CSNK2B: variants seen among roughly 807,000 people sequenced by gnomAD.
The protein encoded by CSNK2B is casein kinase II subunit beta.
CSNK2B carries 2 observed loss-of-function variants against 28.8 expected under a neutral mutation model. The observed-to-expected ratio is 0.07, with a 90% CI of 0.03 to 0.22. The LOEUF (loss-of-function observed/expected upper bound fraction) is 0.22. Ranked by LOEUF, CSNK2B falls within the 10% of genes least tolerant of loss-of-function variation. The probability of loss-of-function intolerance (pLI) is 1.00; values close to 1 mark genes in which losing one functional copy is unlikely to be tolerated. For missense variants in CSNK2B, 107 were observed against 277.9 expected (o/e 0.39, Z 4.37); for synonymous variants, 89 against 96.1 (o/e 0.93, Z 0.43).
chr6:31,670,029 T>C lies in CSNK2B; in HGVS notation c.*103T>C. ...TTAGTTTAAATTAAAGGAGTCGTTA[T>C]CGTGGTGGGAATATGAAATAAAGTA... is the stretch of plus-strand genomic sequence containing the variant. On this transcript the variant is annotated 3_prime_UTR_variant, in exon 7 of 7. Transcript: ENST00000375882. 6.4e-6 allele frequency: 6 copies of C among 934,348 alleles called. No homozygotes were observed. The highest frequency in any genetic ancestry group is 9.4e-6 in the Non-Finnish European group (6 of 638,708). 57.9% of individuals were successfully genotyped at this position (934,348 alleles called of 1,614,324 possible). A position where few individuals can be genotyped will look rare whatever the true frequency, so the allele number is the denominator to read the frequency against.
intron 1 of CSNK2B, chr6:31,666,487 G>T: frequency 2.5e-6 from 1 of 393,316 alleles, no homozygotes; most frequent in Non-Finnish European, 4.6e-6. Flanking sequence ...GACTTGTATT[G>T]GTAGGGAGCC....
Position 31,669,704 on chromosome 6 carries a change from G to T in CSNK2B, c.558-132G>T, listed in dbSNP as rs539649980. Reference sequence around the variant, plus strand: ...TTGTAGAATGTTCTTGAGCTGAGAAGTTGGGAACCACGAGGCTTTAGCTCT... The same window carrying T: ...TTGTAGAATGTTCTTGAGCTGAGAATTTGGGAACCACGAGGCTTTAGCTCT... On this transcript the variant is annotated intron_variant, in intron 6 of 6. Coordinates refer to ENST00000375882, the MANE Select transcript of CSNK2B (RefSeq NM_001320.7). The surrounding 1 kb of genome is among the most constrained non-coding windows in gnomAD (Gnocchi z 4.8). The T allele has an allele frequency of 4.9e-6, 5 of 1,027,282 alleles. No homozygotes were observed. Among genetic ancestry groups the T allele is most frequent in the Non-Finnish European group, 7.1e-6 (5 of 708,504 alleles). The allele number at this position is 1,027,282 out of a possible 1,614,324, so 63.6% of individuals were successfully genotyped here. A position where few individuals can be genotyped will look rare whatever the true frequency, so the allele number is the denominator to read the frequency against.
At chr6:31,668,914 GT>G in intron 4 of CSNK2B, 182 bp from the exon 5 acceptor site, 2 of 617,066 alleles carry the variant, frequency 3.2e-6, no homozygotes, top group South Asian at 3.9e-5. Context: ...GGCTCTGATG[GT>G]TTGTAGCCTG....
chr6:31,667,140 TC>T, intron 2 of CSNK2B: 2 of 682,088 alleles, frequency 2.9e-6, no homozygotes, highest in Admixed American at 4.1e-5. Flanking sequence ...TGTGTCTTTT[TC>T]TTTTTTTTGA....
At position 31,666,206 on chromosome 6, in the gene CSNK2B, C is replaced by A. The variant is rs1447772295; in HGVS notation, c.-14C>A. ...CACCCCAGTCCTGGTCCCCGTCCAGCCGGTGAGTCTGAAGTCGTCGCTGCT... is the reference window on the plus strand; with the variant it reads ...CACCCCAGTCCTGGTCCCCGTCCAGACGGTGAGTCTGAAGTCGTCGCTGCT... On this transcript the variant is annotated splice_region_variant and 5_prime_UTR_variant, in exon 1 of 7. Transcript: ENST00000375882. 2.0e-6 allele frequency: 2 copies of A among 991,734 alleles called. No homozygotes were observed. The highest frequency in any genetic ancestry group is 2.4e-6 in the Non-Finnish European group (2 of 832,876). The allele number at this position is 991,734 out of a possible 1,614,324, so 61.4% of individuals were successfully genotyped here.
chr6:31,666,958 G>T, intron 2 of CSNK2B, 55 bp downstream of exon 2: 1 of 1,374,934 alleles, frequency 7.3e-7, no homozygotes. Context: ...CCCACCAGAC[G>T]TTCCTTCACA....
chr6:31,669,251 T>C lies in CSNK2B; in HGVS notation c.368-68T>C. On this transcript the variant is annotated intron_variant, in intron 5 of 6. Transcript: ENST00000375882. The surrounding 1 kb of genome is among the most constrained non-coding windows in gnomAD (Gnocchi z 4.8). ...AGTTGGGGCTCAACACATTGGAGCC[T>C]GAGTCCTGAGGGGAGGTTAGGTAGG... The C allele has an allele frequency of 6.2e-7, 1 of 1,600,454 alleles. No homozygotes were observed. The highest frequency in any genetic ancestry group is 1.1e-5 in the South Asian group (1 of 90,720).
At position 31,669,550 on chromosome 6, in the gene CSNK2B, C is replaced by T; in HGVS notation, c.557+42C>T. 10 of 1,578,942 alleles carry T rather than the reference C, an allele frequency of 6.3e-6. No individual in the cohort carries two copies. The highest frequency in any genetic ancestry group is 7.7e-6 in the Non-Finnish European group (9 of 1,166,428). On this transcript the variant is annotated intron_variant, in intron 6 of 6. Transcript: ENST00000375882. The surrounding 1 kb of genome is among the most constrained non-coding windows in gnomAD (Gnocchi z 4.8). ...GTCATTAAGGGTCAAAGGAAAGGCC[C>T]AAGATCCCCCAGAGAGGGGAGGACA... is the stretch of plus-strand genomic sequence containing the variant.
chr6:31,667,002 T>G (rs1801781830), intron 2 of CSNK2B, 99 bp downstream of exon 2: 2 of 1,038,538 alleles, frequency 1.9e-6, no homozygotes, highest in Admixed American at 3.7e-5. Context: ...TTACATGCTA[T>G]TTGAAAACTT....
chr6:31,668,375 G>A (rs1177386567), intron 3 of CSNK2B, 164 bp from the exon 4 acceptor site: 1 of 625,080 alleles, frequency 1.6e-6, no homozygotes, highest in African/African-American at 1.8e-5. Flanking sequence ...TTTGATGCAA[G>A]GGTCAGAAGC....
At chr6:31,667,143 T>G (rs1438842160) in intron 2 of CSNK2B, 1 of 676,156 alleles carries the variant, frequency 1.5e-6, no homozygotes, top group Non-Finnish European at 2.7e-6. Context: ...GTCTTTTTCT[T>G]TTTTTTGAGA....
At chr6:31,667,366 A>G (rs1401555613) in intron 2 of CSNK2B, 2 of 359,534 alleles carry the variant, frequency 5.6e-6, no homozygotes, top group Non-Finnish European at 1.1e-5. Context: ...TCCAGACCTC[A>G]GGTGATCTGC....
At chr6:31,668,346 G>C (rs1194255504) in intron 3 of CSNK2B, 193 bp from the exon 4 acceptor site, 1 of 606,744 alleles carries the variant, frequency 1.6e-6, no homozygotes, top group Non-Finnish European at 2.9e-6. Context: ...GGTGTGAAGG[G>C]AAGGCAGAGC....
rs1410849933 is a variant in CSNK2B at position 31,669,090 on chromosome 6, A to G, written c.292-7A>G. ...CCTGCCAACCCCTTCCATTGTATTC[A>G]CCTCAGTTGGAAAAGTACCAGCAAG... On this transcript the variant is annotated splice_region_variant and splice_polypyrimidine_tract_variant and intron_variant, in intron 4 of 6. Transcript: ENST00000375882. The surrounding 1 kb of genome is among the most constrained non-coding windows in gnomAD (Gnocchi z 4.8). 3 of 1,611,666 alleles carry G rather than the reference A, an allele frequency of 1.9e-6. No individual in the cohort carries two copies. The highest frequency in any genetic ancestry group is 2.5e-6 in the Non-Finnish European group (3 of 1,178,896).
intron 2 of CSNK2B, 91 bp downstream of exon 2, chr6:31,666,994 A>G (rs1377186903): frequency 9.3e-7 from 1 of 1,080,072 alleles, no homozygotes; most frequent in Non-Finnish European, 1.4e-6. Flanking sequence ...CTGTTCTCTT[A>G]CATGCTATTT....
chr6:31,669,698 T>C lies in CSNK2B; in HGVS notation c.558-138T>C, dbSNP rs542269274. 8.8e-6 allele frequency: 9 copies of C among 1,017,020 alleles called. No individual in the cohort carries two copies. In the African/African-American group the frequency reaches 9.7e-5, roughly 11 times the overall value. 63.0% of individuals were successfully genotyped at this position (1,017,020 alleles called of 1,614,324 possible). On this transcript the variant is annotated intron_variant, in intron 6 of 6. Transcript: ENST00000375882. The surrounding 1 kb of genome is among the most constrained non-coding windows in gnomAD (Gnocchi z 4.8). ...ACCTTATTGTAGAATGTTCTTGAGCTGAGAAGTTGGGAACCACGAGGCTTT... is the reference window on the plus strand; with the variant it reads ...ACCTTATTGTAGAATGTTCTTGAGCCGAGAAGTTGGGAACCACGAGGCTTT...
intron 3 of CSNK2B, 82 bp from the exon 4 acceptor site, chr6:31,668,457 T>C (rs1801951805): frequency 8.1e-7 from 1 of 1,240,414 alleles, no homozygotes; most frequent in African/African-American, 1.5e-5. Flanking sequence ...GCAAACTGAA[T>C]AGCCCGCAGC....
Position 31,670,023 on chromosome 6 carries a change from T to C in CSNK2B, c.*97T>C. The C allele has an allele frequency of 1.0e-6, 1 of 978,266 alleles. No homozygotes were observed. Among genetic ancestry groups the C allele is most frequent in the East Asian group, 2.7e-5 (1 of 36,684 alleles). The allele number at this position is 978,266 out of a possible 1,614,324, so 60.6% of individuals were successfully genotyped here. ...TGGTTTTTAGTTTAAATTAAAGGAG[T>C]CGTTATCGTGGTGGGAATATGAAAT... On this transcript the variant is annotated 3_prime_UTR_variant, in exon 7 of 7. Transcript: ENST00000375882.
Position 31,669,608 on chromosome 6 carries a change from C to G in CSNK2B, c.557+100C>G. 1.5e-6 allele frequency: 2 copies of G among 1,327,820 alleles called. No homozygotes were observed. The highest frequency in any genetic ancestry group is 1.0e-6 in the Non-Finnish European group (1 of 966,838). 82.3% of individuals were successfully genotyped at this position (1,327,820 alleles called of 1,614,324 possible). ...GCCCTTTCTTGAGGTCTGCTTCTCCCAGAATCAGGGCATCTCCCTGCTGAG... is the reference window on the plus strand; with the variant it reads ...GCCCTTTCTTGAGGTCTGCTTCTCCGAGAATCAGGGCATCTCCCTGCTGAG... On this transcript the variant is annotated intron_variant, in intron 6 of 6. Transcript: ENST00000375882. This position sits in a 1 kb window ranked among gnomAD's most constrained non-coding sequence, Gnocchi z 4.8.
Sources: allele counts gnomAD v4.1 joint callset, GRCh38; gene constraint gnomAD v4.1.1; non-coding constraint Gnocchi (gnomAD v3.1); transcripts MANE v1.5; gene names NCBI Gene and HGNC (gene_info 2026-07-23, HGNC 2026-07-21).